Variants in ADAMTS6 observed in about 807,000 individuals in gnomAD.
The protein encoded by ADAMTS6 is A disintegrin and metalloproteinase with thrombospondin motifs 6.
A neutral mutation model predicts 144.3 loss-of-function variants in ADAMTS6; 23 were observed. That is an observed-to-expected ratio of 0.16 (90% CI 0.11 to 0.23). The LOEUF is 0.23. ADAMTS6 is among the 10% of genes least tolerant of loss of function. The pLI, the probability that ADAMTS6 is intolerant of heterozygous loss-of-function variation, is 1.00. For synonymous variants in ADAMTS6, 444 were observed against 457.5 expected, an observed-to-expected ratio of 0.97 and a Z score of 0.38; for missense variants, 999 against 1,379.6, an observed-to-expected ratio of 0.72 and a Z score of 4.37.
intron 7 of ADAMTS6, among the ~76,000 whole-genome samples, chr5:65,398,818 AAGAAAGAAAGAAAGAAAG>A (rs1753637211): frequency 7.3e-6 from 1 of 137,532 alleles, no homozygotes; most frequent in South Asian, 2.1e-4. Flanking sequence ...GAAAGAAAGA[AAGAAAGAAAGAAAGAAAG>A]AAAGAAAGAA....
At chr5:65,401,875 T>C (rs1438795307) in intron 7 of ADAMTS6, among the ~76,000 whole-genome samples, 1 of 151,926 alleles carries the variant, frequency 6.6e-6, no homozygotes, top group Non-Finnish European at 1.5e-5. Flanking sequence ...TTTTCTCACT[T>C]TTTCCTTCTT....
At chr5:65,316,895 G>A (rs1490788017) in intron 9 of ADAMTS6, among the ~76,000 whole-genome samples, 1 of 151,894 alleles carries the variant, frequency 6.6e-6, no homozygotes, top group East Asian at 1.9e-4. Flanking sequence ...TCTGCCTCCT[G>A]GGTTCAAGCC....
At chr5:65,407,105 C>T (rs1270179789) in intron 7 of ADAMTS6, among the ~76,000 whole-genome samples, 1 of 151,986 alleles carries the variant, frequency 6.6e-6, no homozygotes, top group Non-Finnish European at 1.5e-5. Flanking sequence ...GCAAGGCAAG[C>T]CAACATTCAA....
At chr5:65,293,126 A>G (rs1260011526) in intron 10 of ADAMTS6, among the ~76,000 whole-genome samples, 1 of 152,122 alleles carries the variant, frequency 6.6e-6, no homozygotes, top group Non-Finnish European at 1.5e-5. Flanking sequence ...ATATTTGAAT[A>G]GTACAATGGA....
At chr5:65,425,328 A>G (rs548078778) in intron 7 of ADAMTS6, among the ~76,000 whole-genome samples, 1 of 152,194 alleles carries the variant, frequency 6.6e-6, no homozygotes, top group Non-Finnish European at 1.5e-5. Context: ...GTGCCCGGCC[A>G]ATATATAAAG....
intron 7 of ADAMTS6, among the ~76,000 whole-genome samples, chr5:65,369,549 AC>A (rs1475612041): frequency 6.6e-6 from 1 of 150,636 alleles, no homozygotes; most frequent in African/African-American, 2.4e-5. Flanking sequence ...AAAAAAAAAA[AC>A]AGTAGAATCT....
intron 8 of ADAMTS6, among the ~76,000 whole-genome samples, chr5:65,333,409 T>G (rs767460502): frequency 3.3e-5 from 5 of 152,064 alleles, no homozygotes; most frequent in Non-Finnish European, 5.9e-5. Flanking sequence ...CAAATGACCC[T>G]TAGGGAGCAC....
intron 7 of ADAMTS6, among the ~76,000 whole-genome samples, chr5:65,429,825 A>G (rs1461781657): frequency 6.6e-6 from 1 of 152,168 alleles, no homozygotes; most frequent in African/African-American, 2.4e-5. Context: ...TATTTGAATA[A>G]TCAAGAGTTC....
At chr5:65,459,066 G>A (rs1278500557) in intron 4 of ADAMTS6, among the ~76,000 whole-genome samples, 5 of 150,478 alleles carry the variant, frequency 3.3e-5, no homozygotes, top group East Asian at 3.9e-4. Context: ...TCTGGAGAAC[G>A]GGGTCTCGCT....
chr5:65,215,566 G>A, intron 18 of ADAMTS6, 79 bp from the exon 19 acceptor site: 2 of 1,262,958 alleles, frequency 1.6e-6, no homozygotes, highest in East Asian at 2.4e-5. Context: ...CTGCAATAAA[G>A]TATACAATGA....
chr5:65,199,728 T>TATTCATTCATTCATTCATTC (rs1452001567), intron 20 of ADAMTS6, among the ~76,000 whole-genome samples: 1 of 152,176 alleles, frequency 6.6e-6, no homozygotes, highest in African/African-American at 2.4e-5. Flanking sequence ...TTCATTCATT[T>TATTCATTCATTCATTCATTC]ACTCATTCAT....
chr5:65,354,931 G>C (rs1054266487), intron 7 of ADAMTS6, among the ~76,000 whole-genome samples: 1 of 151,742 alleles, frequency 6.6e-6, no homozygotes, highest in African/African-American at 2.4e-5. Context: ...TGTCGGGAAA[G>C]GTATTGTGGC....
At chr5:65,356,505 T>C (rs1047414828) in intron 7 of ADAMTS6, among the ~76,000 whole-genome samples, 10 of 151,930 alleles carry the variant, frequency 6.6e-5, no homozygotes, top group African/African-American at 2.4e-4. Context: ...GCATGCAATA[T>C]AACAGGAACA....
At chr5:65,444,283 T>C (rs1319301701) in intron 7 of ADAMTS6, among the ~76,000 whole-genome samples, 1 of 152,048 alleles carries the variant, frequency 6.6e-6, no homozygotes, top group Non-Finnish European at 1.5e-5. Context: ...TCCCAGCTAT[T>C]TGGGAGGCGG....
intron 7 of ADAMTS6, among the ~76,000 whole-genome samples, chr5:65,364,374 C>G (rs1308665134): frequency 1.3e-5 from 2 of 152,082 alleles, no homozygotes. Flanking sequence ...TTAAACAACT[C>G]TCTTTCAATA....
chr5:65,215,522 A>T (rs1756852090), intron 18 of ADAMTS6, 35 bp from the exon 19 acceptor site: 1 of 1,575,180 alleles, frequency 6.3e-7, no homozygotes, highest in African/African-American at 1.4e-5. Context: ...TAAAAATGTG[A>T]AATTTCATTT....
intron 11 of ADAMTS6, among the ~76,000 whole-genome samples, chr5:65,286,303 A>T (rs1168433811): frequency 6.6e-6 from 1 of 151,768 alleles, no homozygotes; most frequent in Non-Finnish European, 1.5e-5. Context: ...TGGTGAACAG[A>T]TTTTTTTTTA....
intron 7 of ADAMTS6, among the ~76,000 whole-genome samples, chr5:65,436,429 G>A (rs750130880): frequency 2.6e-5 from 4 of 152,084 alleles, no homozygotes; most frequent in East Asian, 3.8e-4. Context: ...TTACCTTAGC[G>A]TGGAATCATA....
intron 7 of ADAMTS6, among the ~76,000 whole-genome samples, chr5:65,376,851 A>G (rs1309048590): frequency 6.8e-6 from 1 of 147,330 alleles, no homozygotes; most frequent in East Asian, 2.0e-4. Flanking sequence ...TTAAAAAGCT[A>G]AAAAAAAAAA....
Sources: gnomAD v4.1 joint callset for allele counts (sites outside exome capture counted in the v4.1 genomes callset) on GRCh38, gnomAD v4.1.1 for gene constraint, MANE v1.5 for transcripts, NCBI Gene and HGNC (gene_info 2026-07-23, HGNC 2026-07-21) for gene names.